ZBBX: variants seen among roughly 807,000 people sequenced by gnomAD.
ZBBX encodes the protein zinc finger B-box domain-containing protein 1.
ZBBX carries 101 observed loss-of-function variants against 108.5 expected under a neutral mutation model. The observed-to-expected ratio is 0.93, with a 90% CI of 0.79 to 1.10. ZBBX has a LOEUF of 1.10. Ranked by LOEUF, ZBBX falls within the 50% of genes least tolerant of loss-of-function variation. The pLI, the probability that ZBBX is intolerant of heterozygous loss-of-function variation, is 0.00. For synonymous variants in ZBBX, 356 were observed against 323.4 expected (o/e 1.10, Z -1.08); for missense variants, 1,009 against 941.4 (o/e 1.07, Z -0.94).
the ZBBX span, among the ~76,000 whole-genome samples, chr3:167,195,720 T>C: frequency 3.3e-5 from 5 of 152,296 alleles, no homozygotes; most frequent in Middle Eastern, 3.4e-3. Flanking sequence ...CGGTAGCCTT[T>C]AAATGCATCA....
At chr3:167,392,964 GC>G (rs959988503) in intron 1 of ZBBX, 3 of 151,824 alleles carry the variant, frequency 2.0e-5, no homozygotes, top group African/African-American at 7.2e-5. Context: ...GGAACTTAAA[GC>G]CATGGGATGG....
At chr3:167,298,896 A>T (rs557699904) in intron 17 of ZBBX, among the ~76,000 whole-genome samples, 20 of 152,154 alleles carry the variant, frequency 1.3e-4, no homozygotes, top group African/African-American at 4.6e-4. Flanking sequence ...CATGGAAAAA[A>T]AAATGTAAGT....
downstream of ZBBX, among the ~76,000 whole-genome samples, chr3:167,236,657 C>A (rs1230468344): frequency 6.6e-6 from 1 of 151,656 alleles, no homozygotes; most frequent in Non-Finnish European, 1.5e-5. Context: ...TAGGGACCGA[C>A]AGGGCTTCTA....
intron 20 of ZBBX, among the ~76,000 whole-genome samples, chr3:167,270,176 G>A (rs1277666099): frequency 2.0e-5 from 3 of 152,126 alleles, no homozygotes; most frequent in Non-Finnish European, 4.4e-5. Flanking sequence ...CAAAGAAAAA[G>A]CTTCAGTATG....
rs929444081 is a variant in ZBBX at position 167,240,513 on chromosome 3, A to G, written c.*280T>C. 4.3e-6 allele frequency: 1 copy of G among 234,494 alleles called. No homozygotes were observed. The allele number at this position is 234,494 out of a possible 1,614,324, so 14.5% of individuals were successfully genotyped here. On this transcript the variant is annotated 3_prime_UTR_variant, in exon 22 of 22. Transcript: ENST00000675490. ...TAAGTATAATCATGTTCTGCCCTAT[A>G]GTAGGTTTTATAGACACAGTTGTAA...
chr3:167,329,297 C>T (rs1737977445), intron 10 of ZBBX, among the ~76,000 whole-genome samples: 1 of 152,180 alleles, frequency 6.6e-6, no homozygotes, highest in South Asian at 2.1e-4. Context: ...GGTCAAATTG[C>T]TAAATATCCA....
At chr3:167,268,719 A>T (rs560750025) in intron 20 of ZBBX, among the ~76,000 whole-genome samples, 1 of 152,230 alleles carries the variant, frequency 6.6e-6, no homozygotes, top group Admixed American at 6.5e-5. Context: ...AAGATACAAA[A>T]ATTAGAAAAT....
intron 4 of ZBBX, among the ~76,000 whole-genome samples, chr3:167,371,155 G>A (rs896739606): frequency 2.6e-5 from 4 of 152,312 alleles, no homozygotes; most frequent in South Asian, 2.1e-4. Flanking sequence ...TCAGGGAGAC[G>A]TACAGGCCAG....
intron 20 of ZBBX, among the ~76,000 whole-genome samples, chr3:167,272,211 T>C (rs958454066): frequency 6.6e-6 from 1 of 152,220 alleles, no homozygotes; most frequent in Non-Finnish European, 1.5e-5. Flanking sequence ...AAATGCCCTA[T>C]GGACTGCCCT....
Position 167,240,704 on chromosome 3 carries a change from G to A in ZBBX, c.*89C>T, listed in dbSNP as rs1314903067. The A allele has an allele frequency of 2.1e-6, 3 of 1,452,014 alleles. No homozygotes were observed. Among genetic ancestry groups the A allele is most frequent in the Non-Finnish European group, 2.8e-6 (3 of 1,074,452 alleles). 89.9% of individuals were successfully genotyped at this position (1,452,014 alleles called of 1,614,324 possible). A position where few individuals can be genotyped will look rare whatever the true frequency, so the allele number is the denominator to read the frequency against. On this transcript the variant is annotated 3_prime_UTR_variant, in exon 22 of 22. Coordinates refer to ENST00000675490, the MANE Select transcript of ZBBX (RefSeq NM_001199201.2). ...AAGACATTAGTAATCAAAATCTCCAGCACTTGGATAGGTAATCACTTGGTT... is the reference window on the plus strand; with the variant it reads ...AAGACATTAGTAATCAAAATCTCCAACACTTGGATAGGTAATCACTTGGTT...
At chr3:167,200,543 G>C in the ZBBX span, among the ~76,000 whole-genome samples, 1 of 152,070 alleles carries the variant, frequency 6.6e-6, no homozygotes, top group Admixed American at 6.6e-5. Flanking sequence ...CTTTCTCTAA[G>C]TAACTGCATA....
intron 16 of ZBBX, among the ~76,000 whole-genome samples, chr3:167,307,031 A>C (rs1733768709): frequency 6.6e-6 from 1 of 152,290 alleles, no homozygotes; most frequent in East Asian, 1.9e-4. Context: ...CTCTCTCCAT[A>C]AGACACACCC....
At chr3:167,247,711 C>T (rs1024733498) in intron 20 of ZBBX, among the ~76,000 whole-genome samples, 1 of 152,110 alleles carries the variant, frequency 6.6e-6, no homozygotes, top group African/African-American at 2.4e-5. Context: ...CAGTGGGGCA[C>T]TGAAGAAGCA....
intron 8 of ZBBX, among the ~76,000 whole-genome samples, chr3:167,359,406 C>T (rs1744146983): frequency 6.6e-6 from 1 of 151,994 alleles, no homozygotes; most frequent in South Asian, 2.1e-4. Context: ...GTCCATCCAT[C>T]TCATAGTAAA....
chr3:167,368,374 G>T, intron 5 of ZBBX, 87 bp downstream of exon 5: 1 of 950,398 alleles, frequency 1.1e-6, no homozygotes, highest in Non-Finnish European at 1.6e-6. Context: ...TCCATTAAAT[G>T]TTTTTATTGG....
At chr3:167,225,726 T>C in the ZBBX span, among the ~76,000 whole-genome samples, 1 of 151,778 alleles carries the variant, frequency 6.6e-6, no homozygotes, top group African/African-American at 2.4e-5. Context: ...TCTGCAAGTC[T>C]TAAACTCATG....
chr3:167,267,905 G>T (rs1340917123), intron 20 of ZBBX, among the ~76,000 whole-genome samples: 1 of 150,128 alleles, frequency 6.7e-6, no homozygotes, highest in Non-Finnish European at 1.5e-5. Flanking sequence ...TCAGGCAGCT[G>T]CTGCTGCCCT....
intron 1 of ZBBX, among the ~76,000 whole-genome samples, chr3:167,399,126 GA>G (rs1039446677): frequency 4.7e-5 from 7 of 148,520 alleles, no homozygotes; most frequent in Non-Finnish European, 7.5e-5. Flanking sequence ...TATTTAGTAA[GA>G]AAAAAAAAAT....
chr3:167,273,787 C>T (rs1021230397), intron 20 of ZBBX, among the ~76,000 whole-genome samples: 1 of 152,174 alleles, frequency 6.6e-6, no homozygotes, highest in East Asian at 1.9e-4. Flanking sequence ...TAAAAGAAGC[C>T]CCTTATGGGT....
Sources: gnomAD v4.1 joint callset for allele counts (sites outside exome capture counted in the v4.1 genomes callset) on GRCh38, gnomAD v4.1.1 for gene constraint, MANE v1.5 for transcripts, NCBI Gene and HGNC (gene_info 2026-07-23, HGNC 2026-07-21) for gene names.